MUC17: variants seen among roughly 807,000 people sequenced by gnomAD.
MUC17 encodes mucin-17.
MUC17 carries 190 observed loss-of-function variants against 170.3 expected under a neutral mutation model. The ratio of observed to expected loss-of-function variants is 1.12; its 90% CI spans 0.99 to 1.26. The LOEUF is 1.26. Ranked by LOEUF, MUC17 falls within the 50% of genes most tolerant of loss-of-function variation. The pLI is 0.00. For missense variants in MUC17, 6,415 were observed against 5,530.0 expected (o/e 1.16, Z -5.08); for synonymous variants, 2,325 against 2,002.5 (o/e 1.16, Z -4.30).
At position 101,032,530 on chromosome 7, in the gene MUC17, A is replaced by G; in HGVS notation, c.1114A>G (p.Ser372Gly). Reference sequence around the variant, plus strand: ...ACTTGTGACCACTTCTACTGAACCCAGTTCACTTCCTACAACTGCTGAAGC... The same window carrying G: ...ACTTGTGACCACTTCTACTGAACCCGGTTCACTTCCTACAACTGCTGAAGC... Reference protein sequence around the residue: ...STLVTTSTEPSSLPTTAEATS... With the variant: ...STLVTTSTEPGSLPTTAEATS... The change falls in exon 3 of 13, where the codon AGT becomes GGT. Residue 372 changes from serine (S) to glycine (G), a missense_variant. Coordinates refer to ENST00000306151, the MANE Select transcript of MUC17 (RefSeq NM_001040105.2). 6.2e-7 allele frequency: 1 copy of G among 1,614,126 alleles called. No homozygotes were observed. Among genetic ancestry groups the G allele is most frequent in the Non-Finnish European group, 8.5e-7 (1 of 1,180,024 alleles).
intron 1 of MUC17, among the ~76,000 whole-genome samples, chr7:101,027,766 TA>T (rs201213216): frequency 0.035 from 5,317 of 151,874 alleles, 108 homozygotes; most frequent in Non-Finnish European, 0.052. Flanking sequence ...TGATAATCTT[TA>T]AAAAAAAATT....
At chr7:101,031,073 A>G in intron 1 of MUC17, 47 bp from the exon 2 acceptor site, 2 of 1,571,080 alleles carry the variant, frequency 1.3e-6, no homozygotes, top group Non-Finnish European at 1.7e-6. Flanking sequence ...AAGAGAATGA[A>G]GGAAGATCAT....
chr7:101,035,318 C>G lies in MUC17; in HGVS notation c.3902C>G (p.Thr1301Ser). Residue 1301 changes from threonine to serine, a missense_variant, in exon 3 of 13, where the codon ACT becomes AGT. By Grantham distance (58) the Thr-to-Ser change is moderately conservative. Coordinates refer to ENST00000306151, the MANE Select transcript of MUC17 (RefSeq NM_001040105.2). ...CCTGAGGCTAGCACCCTTTTAACAA[C>G]TCCTGTTGACACTAAAGGTCCTGTG... ...TSPEASTLLT[T>S]PVDTKGPVVT... The G allele has an allele frequency of 6.2e-7, 1 of 1,610,508 alleles. No homozygotes were observed. Among genetic ancestry groups the G allele is most frequent in the Non-Finnish European group, 8.5e-7 (1 of 1,177,770 alleles).
rs1182493190 is a variant in MUC17, at chr7:101,031,983, C to G, written c.567C>G (p.Thr189=). The G allele has an allele frequency of 3.1e-6, 5 of 1,614,086 alleles. No homozygotes were observed. Among genetic ancestry groups the G allele is most frequent in the Non-Finnish European group, 4.2e-6 (5 of 1,180,054 alleles). The change falls in exon 3 of 13, where the codon ACC becomes ACG. Residue 189 remains threonine, a synonymous_variant. Coordinates refer to ENST00000306151, the MANE Select transcript of MUC17 (RefSeq NM_001040105.2). The stretch of plus-strand genomic sequence containing the variant: ...AGGTTGATATGAGCACACCTCTGAC[C>G]ACTTCTACTCAGGCAAGTTCATCTC... ...TYKVDMSTPL[T]TSTQASSSPT...
chr7:101,045,989 A>C (rs186448724), intron 3 of MUC17, among the ~76,000 whole-genome samples: 109 of 152,292 alleles, frequency 7.2e-4, no homozygotes, highest in African/African-American at 2.6e-3. Flanking sequence ...AACGCGCCCC[A>C]GCATCTGCTT....
rs530201412 is a variant in MUC17, at chr7:101,033,659, C to T, written c.2243C>T (p.Pro748Leu). 19 of 1,613,500 alleles carry T rather than the reference C, an allele frequency of 1.2e-5. No homozygotes were observed. Among genetic ancestry groups the T allele is most frequent in the East Asian group, 2.2e-5 (1 of 44,734 alleles). The change falls in exon 3 of 13, where the codon CCA (proline) becomes CTA (leucine). Residue 748 changes from proline to leucine, a missense_variant. Pro to Leu is a moderately conservative substitution (Grantham distance 98). Transcript: ENST00000306151. ...TCAACTCCTAGTGAAGGAAGCACTC[C>T]ATTAACAAGTATGCCTGTCAGCAAA... ...PTSTPSEGST[P>L]LTSMPVSKTL...
rs377106802 is a variant in MUC17, at chr7:101,040,053, G to A, written c.8637G>A (p.Thr2879=). 3.0e-5 allele frequency: 49 copies of A among 1,613,036 alleles called. 1 individual carries two copies. In the Admixed American group the frequency reaches 3.2e-4, roughly 10 times the overall value. ...TLLTSIPVST[T]PVASSEASTL... ...TAACAAGTATACCTGTCAGCACCAC[G>A]CCGGTGGCCAGTTCTGAGGCTAGCA... Residue 2879 remains threonine (T), a synonymous_variant, in exon 3 of 13, where the codon ACG becomes ACA. Coordinates refer to ENST00000306151, the MANE Select transcript of MUC17 (RefSeq NM_001040105.2).
rs202100985 is a variant in MUC17 at position 101,038,459 on chromosome 7, C to T, written c.7043C>T (p.Thr2348Ile). 1.2e-6 allele frequency: 2 copies of T among 1,603,994 alleles called. No homozygotes were observed. Among genetic ancestry groups the T allele is most frequent in the South Asian group, 1.1e-5 (1 of 90,666 alleles). The change falls in exon 3 of 13, where the codon ACA becomes ATA. Residue 2348 changes from threonine (T) to isoleucine (I), a missense_variant. Coordinates refer to ENST00000306151, the MANE Select transcript of MUC17 (RefSeq NM_001040105.2). Reference protein sequence around the residue: ...TPLTRMPVSTTMVASFETSTL... With the variant: ...TPLTRMPVSTIMVASFETSTL... ...TTAACACGTATGCCTGTCAGCACCA[C>T]AATGGTGGCCAGTTTTGAAACAAGC... is the stretch of plus-strand genomic sequence containing the variant.
intron 9 of MUC17, 60 bp downstream of exon 9, chr7:101,052,022 C>A (rs1794957834): frequency 7.1e-6 from 11 of 1,557,876 alleles, no homozygotes; most frequent in East Asian, 6.8e-5. Context: ...CCCTCCCCTG[C>A]AGGGCTTCAC....
At chr7:101,048,720 T>C (rs1007550432) in intron 4 of MUC17, 125 bp from the exon 5 acceptor site, 11 of 980,124 alleles carry the variant, frequency 1.1e-5, no homozygotes, top group Non-Finnish European at 1.7e-5. Context: ...GTATTTTGGA[T>C]ACAAATTTGG....
intron 3 of MUC17, 75 bp downstream of exon 3, chr7:101,043,894 G>T: frequency 7.2e-7 from 1 of 1,379,440 alleles, no homozygotes; most frequent in Non-Finnish European, 9.9e-7. Context: ...ACAACGTGCA[G>T]GTTTGTTACC....
At position 101,039,726 on chromosome 7, in the gene MUC17, C is replaced by A. The variant is rs199614449; in HGVS notation, c.8310C>A (p.Thr2770=). 2 of 1,610,506 alleles carry A rather than the reference C, an allele frequency of 1.2e-6. No individual in the cohort carries two copies. Among genetic ancestry groups the A allele is most frequent in the Admixed American group, 1.7e-5 (1 of 59,668 alleles). Residue 2770 remains threonine, a synonymous_variant, in exon 3 of 13, where the codon ACC becomes ACA. Transcript: ENST00000306151. ...CAGTGGCCAGTTCTGAGGCTAGCAC[C>A]GTTTCAACAACTGCTGTTGACACCA... is the stretch of plus-strand genomic sequence containing the variant. The part of the protein sequence containing the change: ...TLPVASSEAS[T]VSTTAVDTSI...
chr7:101,031,183 A>G lies in MUC17; in HGVS notation c.146A>G (p.Asn49Ser), dbSNP rs139454683. The change falls in exon 2 of 13, where the codon AAC becomes AGC. Residue 49 changes from asparagine (N) to serine (S), a missense_variant. By Grantham distance (46) the Asn-to-Ser change is conservative. Transcript: ENST00000306151. ...GGCISQGDVL[N>S]RQCQQLSQHV... ...TGCATCTCCCAAGGGGACGTCTTGAACCGTCAGTGCCAGCAGCTGTCTCAG... is the reference window on the plus strand; with the variant it reads ...TGCATCTCCCAAGGGGACGTCTTGAGCCGTCAGTGCCAGCAGCTGTCTCAG... The G allele has an allele frequency of 4.7e-4, 751 of 1,613,878 alleles. 3 individuals carry two copies. The Middle Eastern group carries it at 0.017, about 35-fold the overall frequency.
Position 101,035,633 on chromosome 7 carries a change from C to A in MUC17, c.4217C>A (p.Thr1406Lys). ...TPLTSIPVST[T>K]PVVSSEASTL... Reference sequence around the variant, plus strand: ...TTAACAAGTATACCTGTCAGCACCACGCCGGTAGTCAGTTCTGAGGCTAGC... The same window carrying A: ...TTAACAAGTATACCTGTCAGCACCAAGCCGGTAGTCAGTTCTGAGGCTAGC... Residue 1406 changes from threonine (T) to lysine (K), a missense_variant, in exon 3 of 13, where the codon ACG becomes AAG. Physicochemically the swap from Thr to Lys is moderately conservative, Grantham distance 78. Transcript: ENST00000306151. The A allele has an allele frequency of 3.1e-6, 5 of 1,612,634 alleles. No individual in the cohort carries two copies. Among genetic ancestry groups the A allele is most frequent in the Non-Finnish European group, 4.2e-6 (5 of 1,179,128 alleles).
chr7:101,048,767 C>A, intron 4 of MUC17, 78 bp from the exon 5 acceptor site: 1 of 1,545,592 alleles, frequency 6.5e-7, no homozygotes. Context: ...GGAGCTCACT[C>A]CCTCCACCCA....
At position 101,051,952 on chromosome 7, in the gene MUC17, C is replaced by A; in HGVS notation, c.13093C>A (p.Pro4365Thr). The A allele has an allele frequency of 1.9e-6, 3 of 1,612,868 alleles. No homozygotes were observed. The highest frequency in any genetic ancestry group is 2.5e-6 in the Non-Finnish European group (3 of 1,179,166). ...LGKCQMSLSGPQCLCVTTETH... is the reference protein window; with the variant it reads ...LGKCQMSLSGTQCLCVTTETH... ...CAAGTGCCAGATGTCTCTAAGTGGA[C>A]CTCAGTGCCTGTGAGTGCTCCCCCA... The change falls in exon 9 of 13, where the codon CCT (proline) becomes ACT (threonine). Residue 4365 changes from proline to threonine, a missense_variant. Coordinates refer to ENST00000306151, the MANE Select transcript of MUC17 (RefSeq NM_001040105.2).
rs73402867 is a variant in MUC17 at position 101,023,128 on chromosome 7, G to A, written c.82+2911G>A. ...CGGGTGGTTGGTGGCAATCTCTGGC[G>A]TTCCTGGGCTGGTAGACGCTTTGCC... On this transcript the variant is annotated intron_variant, in intron 1 of 12. Transcript: ENST00000306151. Among the ~76,000 whole-genome samples the A allele has an allele frequency of 6.8e-3, 1,036 of 152,206 alleles. 11 individuals are homozygous for A. The highest frequency in any genetic ancestry group is 0.024 in the African/African-American group (992 of 41,522).
rs1374986901 is a variant in MUC17, at chr7:101,041,025, A to G, written c.9609A>G (p.Ser3203=). The change falls in exon 3 of 13, where the codon TCA becomes TCG. Residue 3203 remains serine, a synonymous_variant. Transcript: ENST00000306151. ...TGACCACTTCTACTGAAGCCACTTCATCTACAACTGCTGAAGGTACCAGCA... is the reference window on the plus strand; with the variant it reads ...TGACCACTTCTACTGAAGCCACTTCGTCTACAACTGCTGAAGGTACCAGCA... ...TPVTTSTEAT[S]STTAEGTSIP... 1.9e-6 allele frequency: 3 copies of G among 1,612,932 alleles called. No individual in the cohort carries two copies. Among genetic ancestry groups the G allele is most frequent in the Non-Finnish European group, 2.5e-6 (3 of 1,179,680 alleles).
intron 1 of MUC17, among the ~76,000 whole-genome samples, chr7:101,021,800 G>T (rs1051969677): frequency 6.6e-6 from 1 of 152,106 alleles, no homozygotes; most frequent in Non-Finnish European, 1.5e-5. Context: ...CTTCTCCAGG[G>T]ACCCAGAGCC....
Sources: allele counts gnomAD v4.1 joint callset (sites outside exome capture counted in the v4.1 genomes callset), GRCh38; gene constraint gnomAD v4.1.1; transcripts MANE v1.5; gene names NCBI Gene and HGNC (gene_info 2026-07-23, HGNC 2026-07-21).